The following USH2A variants were observed in gnomAD, a reference collection of about 807,000 sequenced individuals.
USH2A encodes usherin.
Under a neutral mutation model 538.9 loss-of-function variants are expected in USH2A, and 443 were observed. That is an observed-to-expected ratio of 0.82 (90% CI 0.76 to 0.89). The LOEUF (loss-of-function observed/expected upper bound fraction) is 0.89, where lower values mean the gene tolerates loss of function less well. Ranked by LOEUF, USH2A falls within the 40% of genes least tolerant of loss-of-function variation. The probability of loss-of-function intolerance (pLI) is 0.00; values close to 1 mark genes in which losing one functional copy is unlikely to be tolerated. For missense variants in USH2A, 6,633 were observed against 6,324.8 expected, an observed-to-expected ratio of 1.05 and a Z score of -1.65; for synonymous variants, 2,413 against 2,273.5, an observed-to-expected ratio of 1.06 and a Z score of -1.75.
chr1:216,101,150 T>C (rs1055722257), intron 21 of USH2A, among the ~76,000 whole-genome samples: 2 of 152,232 alleles, frequency 1.3e-5, no homozygotes, highest in Admixed American at 1.3e-4. Context: ...AAACATATTC[T>C]TGACAATTAA....
In USH2A at chr1:216,422,329, C is replaced by T. The variant is rs772068113; in HGVS notation, c.8G>A (p.Cys3Tyr). Residue 3 changes from cysteine (C) to tyrosine (Y), a missense_variant, in exon 2 of 72, where the codon TGC becomes TAC. Coordinates refer to ENST00000307340, the MANE Select transcript of USH2A (RefSeq NM_206933.4). MN[C>Y]PVLSLGSGFL... ...GCCAGAGCCCAATGAAAGAACTGGG[C>T]AATTCATGTTTACAAAAAAGCATTC... 1.9e-6 allele frequency: 3 copies of T among 1,613,554 alleles called. No homozygotes were observed. The highest frequency in any genetic ancestry group is 2.2e-5 in the South Asian group (2 of 91,078).
chr1:216,165,362 T>C (rs2034146407), intron 21 of USH2A, among the ~76,000 whole-genome samples: 1 of 152,148 alleles, frequency 6.6e-6, no homozygotes, highest in Non-Finnish European at 1.5e-5. Flanking sequence ...ATGTGATAGC[T>C]ATGGTGGGGC....
chr1:216,359,923 G>A (rs1450809744), intron 4 of USH2A, among the ~76,000 whole-genome samples: 1 of 152,102 alleles, frequency 6.6e-6, no homozygotes, highest in African/African-American at 2.4e-5. Context: ...ACCAAATGCT[G>A]GTGAGGATGT....
chr1:215,997,044 A>G (rs1219865018), intron 34 of USH2A, among the ~76,000 whole-genome samples: 1 of 152,156 alleles, frequency 6.6e-6, no homozygotes, highest in Non-Finnish European at 1.5e-5. Context: ...CGATCTACTA[A>G]TCTAATGACC....
chr1:216,023,490 A>C lies in USH2A; in HGVS notation c.6326-22928T>G, dbSNP rs866966132. On this transcript the variant is annotated intron_variant, in intron 32 of 71. Coordinates refer to ENST00000307340, the MANE Select transcript of USH2A (RefSeq NM_206933.4). ...AAAAAAAAAAAAAAAAAATCAAAAA[A>C]CAAAAGACACAAAAGATAGAGTGAG... 4.5e-3 allele frequency among the ~76,000 whole-genome samples: 661 copies of C among 148,478 alleles called. 5 individuals carry two copies. Among genetic ancestry groups the C allele is most frequent in the African/African-American group, 0.015 (615 of 40,078 alleles).
rs1300987521 is a variant in USH2A, at chr1:216,377,913, GAGAA to G, written c.652-12832_652-12829del. 6.6e-5 allele frequency among the ~76,000 whole-genome samples: 10 copies of G among 151,648 alleles called. No homozygotes were observed. The South Asian group carries it at 1.9e-3, about 29-fold the overall frequency. ...GAAGGAAGAAAGAAAGAGAAAGAAA[GAGAA>G]AGAAAGAGAAAAAAGAAAGAGAAGG... On this transcript the variant is annotated intron_variant, in intron 3 of 71. Transcript: ENST00000307340.
intron 9 of USH2A, among the ~76,000 whole-genome samples, chr1:216,301,933 C>T (rs1341448625): frequency 2.0e-5 from 3 of 152,132 alleles, no homozygotes; most frequent in Admixed American, 6.5e-5. Context: ...TTCCCCTTTC[C>T]TCTGGCTGGA....
intron 69 of USH2A, among the ~76,000 whole-genome samples, chr1:215,635,281 C>A (rs1237511107): frequency 6.6e-6 from 1 of 152,122 alleles, no homozygotes; most frequent in Non-Finnish European, 1.5e-5. Flanking sequence ...CTTTACATGG[C>A]CTCTCTGTTA....
intron 21 of USH2A, among the ~76,000 whole-genome samples, chr1:216,133,116 A>G (rs908402633): frequency 1.3e-5 from 2 of 152,200 alleles, no homozygotes; most frequent in African/African-American, 4.8e-5. Flanking sequence ...TGTTAAATTC[A>G]TAATGAATAT....
intron 3 of USH2A, among the ~76,000 whole-genome samples, chr1:216,394,150 C>T (rs77192760): frequency 0.02 from 3,089 of 152,122 alleles, 108 homozygotes; most frequent in African/African-American, 0.069. Context: ...AGAAGAAGAG[C>T]TAAATAAATA....
intron 61 of USH2A, among the ~76,000 whole-genome samples, chr1:215,701,060 T>C (rs1331123351): frequency 2.0e-5 from 3 of 152,228 alleles, no homozygotes; most frequent in Non-Finnish European, 4.4e-5. Context: ...TTAATTTCAT[T>C]CTACACCCAG....
At position 216,246,878 on chromosome 1, in the gene USH2A, T is replaced by C; in HGVS notation, c.2516A>G (p.Asn839Ser). Residue 839 changes from asparagine (N) to serine (S), a missense_variant, in exon 13 of 72, where the codon AAT (asparagine) becomes AGT (serine). Transcript: ENST00000307340. ...GCAAGGCAGACAGAGGAAAGAATTA[T>C]TTTGCCGTAGGTAGAAGTTTCCCTC... ...CLEGNFYLRQ[N>S]NSFLCLPCNC... 6.2e-7 allele frequency: 1 copy of C among 1,614,128 alleles called. No individual in the cohort carries two copies. Among genetic ancestry groups the C allele is most frequent in the Non-Finnish European group, 8.5e-7 (1 of 1,179,980 alleles).
At position 215,888,782 on chromosome 1, in the gene USH2A, C is replaced by A. The variant is rs1016015863; in HGVS notation, c.7867G>T (p.Ala2623Ser). 1.2e-6 allele frequency: 2 copies of A among 1,614,058 alleles called. No homozygotes were observed. The highest frequency in any genetic ancestry group is 1.7e-5 in the Admixed American group (1 of 60,008). ...TCTGGACTTGGGATCCCTTCCGGTG[C>A]CCCTGGGAGTGTCCATACAGTCTGG... ...ESQTVWTLPG[A>S]PEGIPSPELF... The change falls in exon 41 of 72, where the codon GCA (alanine) becomes TCA (serine). Residue 2623 changes from alanine to serine, a missense_variant. By Grantham distance (99) the Ala-to-Ser change is moderately conservative (BLOSUM62 1). Transcript: ENST00000307340.
intron 40 of USH2A, among the ~76,000 whole-genome samples, chr1:215,890,725 T>C (rs1474487622): frequency 6.6e-6 from 1 of 152,210 alleles, no homozygotes; most frequent in Non-Finnish European, 1.5e-5. Flanking sequence ...AAAATGGGGA[T>C]ACAGCTCCTT....
rs555607002 is a variant in USH2A, at chr1:216,240,180, C to T, written c.2809+6405G>A. Among the ~76,000 whole-genome samples, 9 of 152,222 alleles carry T rather than the reference C, an allele frequency of 5.9e-5. No individual in the cohort carries two copies. In the South Asian group the frequency reaches 8.3e-4, roughly 14 times the overall value. On this transcript the variant is annotated intron_variant, in intron 13 of 71. Transcript: ENST00000307340. Reference sequence around the variant, plus strand: ...TGGAATTGAAAGCCCCAGAGATTTCCGAAGTCAGATATAAGGTGTGCTAAA... The same window carrying T: ...TGGAATTGAAAGCCCCAGAGATTTCTGAAGTCAGATATAAGGTGTGCTAAA...
chr1:215,808,037 G>A (rs74348385), intron 49 of USH2A, among the ~76,000 whole-genome samples: 2,725 of 152,148 alleles, frequency 0.018, 89 homozygotes, highest in African/African-American at 0.063. Flanking sequence ...GGGATATGGA[G>A]CCAGGCAGTT....
At chr1:215,627,891 T>C (rs1656117540) in intron 71 of USH2A, among the ~76,000 whole-genome samples, 1 of 152,184 alleles carries the variant, frequency 6.6e-6, no homozygotes, top group Admixed American at 6.5e-5. Context: ...TCTAGGAAGT[T>C]AGCACAATGA....
At chr1:215,988,393 A>G (rs1478473847) in intron 35 of USH2A, among the ~76,000 whole-genome samples, 2 of 152,210 alleles carry the variant, frequency 1.3e-5, no homozygotes, top group African/African-American at 2.4e-5. Flanking sequence ...GTGATATGCC[A>G]TTGTGTAAAT....
At chr1:215,742,411 TATG>T (rs1440820723) in intron 59 of USH2A, among the ~76,000 whole-genome samples, 1 of 152,012 alleles carries the variant, frequency 6.6e-6, no homozygotes, top group Non-Finnish European at 1.5e-5. Context: ...ATATAACATA[TATG>T]ATGAGATCAT....
Sources: allele counts gnomAD v4.1 joint callset (sites outside exome capture counted in the v4.1 genomes callset), GRCh38; gene constraint gnomAD v4.1.1; transcripts MANE v1.5; gene names NCBI Gene and HGNC (gene_info 2026-07-23, HGNC 2026-07-21).